Variants in ATP6V1B1 observed in about 807,000 individuals in gnomAD.
The protein encoded by ATP6V1B1 is ATPase H+ transporting V1 subunit B1, also known as V-type proton ATPase subunit B, kidney isoform.
Under a neutral mutation model 62.1 loss-of-function variants are expected in ATP6V1B1, and 41 were observed. The observed-to-expected ratio is 0.66, with a 90% confidence interval of 0.51 to 0.86. ATP6V1B1 has a LOEUF of 0.86. Among genes scored for constraint, ATP6V1B1 ranks in the 40% least tolerant of loss-of-function variants. The pLI, the probability that ATP6V1B1 is intolerant of heterozygous loss-of-function variation, is 0.00. For synonymous variants in ATP6V1B1, 253 were observed against 273.4 expected (o/e 0.93, Z 0.74); for missense variants, 651 against 697.5 (o/e 0.93, Z 0.75).
At chr2:70,940,656 C>T in intron 1 of ATP6V1B1, 1 of 985,428 alleles carries the variant, frequency 1.0e-6, no homozygotes, top group Non-Finnish European at 1.2e-6. Context: ...TGCCCAACAG[C>T]CCCTTAGCCC....
In ATP6V1B1 at chr2:70,959,087, A is replaced by C. The variant is rs782681801; in HGVS notation, c.437A>C (p.Asp146Ala). ...GPVVMAEDFLDINGQPINPHS... is the reference protein window; with the variant it reads ...GPVVMAEDFLAINGQPINPHS... ...GTGGTCATGGCGGAGGACTTTCTGG[A>C]TATCAATGGTGAGTGACTGGAGGTT... is the stretch of plus-strand genomic sequence containing the variant. Residue 146 changes from aspartate to alanine, a missense_variant, in exon 5 of 14, where the codon GAT becomes GCT. Physicochemically the swap from Asp to Ala is moderately radical, Grantham distance 126 (BLOSUM62 -2). Transcript: ENST00000234396. This position sits in a 1 kb window ranked among gnomAD's most constrained non-coding sequence, Gnocchi z 4.2. The C allele has an allele frequency of 4.3e-6, 7 of 1,614,090 alleles. No individual in the cohort carries two copies. The highest frequency in any genetic ancestry group is 5.1e-6 in the Non-Finnish European group (6 of 1,180,006).
At chr2:70,936,351 C>T (rs1314889134) in intron 1 of ATP6V1B1, among the ~76,000 whole-genome samples, 2 of 152,118 alleles carry the variant, frequency 1.3e-5, no homozygotes, top group East Asian at 3.9e-4. Flanking sequence ...CACCCGAAGT[C>T]CAGAGATAGC....
intron 6 of ATP6V1B1, among the ~76,000 whole-genome samples, chr2:70,960,329 G>A (rs552928014): frequency 1.3e-5 from 2 of 152,296 alleles, no homozygotes; most frequent in East Asian, 3.9e-4. Context: ...AGAAAGTCCT[G>A]CTTGGGGGAG....
intron 1 of ATP6V1B1, chr2:70,941,592 G>A: frequency 1.2e-6 from 1 of 802,668 alleles, no homozygotes; most frequent in Non-Finnish European, 1.5e-6. Context: ...TTGTAATTAT[G>A]TTATTTGCTC....
intron 2 of ATP6V1B1, chr2:70,948,512 G>A (rs1553417763): frequency 6.5e-6 from 1 of 154,782 alleles, no homozygotes; most frequent in Non-Finnish European, 1.5e-5. Context: ...GACAAATAAT[G>A]AGGCAGGGCC....
chr2:70,958,875 G>A, intron 4 of ATP6V1B1, 143 bp from the exon 5 acceptor site: 2 of 786,830 alleles, frequency 2.5e-6, no homozygotes, highest in South Asian at 2.9e-5. Flanking sequence ...GGCTCTCTGG[G>A]TTACCTGTGG....
chr2:70,960,875 T>C (rs1553419914), intron 6 of ATP6V1B1, 46 bp from the exon 7 acceptor site: 2 of 1,522,428 alleles, frequency 1.3e-6, no homozygotes, highest in Admixed American at 1.9e-5. Flanking sequence ...GGGACAGGGG[T>C]CAGCTCCGAC....
chr2:70,965,275 C>T lies in ATP6V1B1; in HGVS notation c.*154C>T. On this transcript the variant is annotated 3_prime_UTR_variant, in exon 14 of 14. Coordinates refer to ENST00000234396, the MANE Select transcript of ATP6V1B1 (RefSeq NM_001692.4). ...GGGCGCCGCACGCTCCATCCCTTTC[C>T]CTCGCTCGATTCCTTTTCCCGCGCT... 1 of 1,088,976 alleles carries T rather than the reference C, an allele frequency of 9.2e-7. No individual in the cohort carries two copies. The highest frequency in any genetic ancestry group is 1.3e-6 in the Non-Finnish European group (1 of 767,388). 67.5% of individuals were successfully genotyped at this position (1,088,976 alleles called of 1,614,324 possible).
At chr2:70,950,358 CAAT>C (rs1200671739) in intron 2 of ATP6V1B1, among the ~76,000 whole-genome samples, 1 of 152,048 alleles carries the variant, frequency 6.6e-6, no homozygotes, top group African/African-American at 2.4e-5. Flanking sequence ...TTAAAATAAA[CAAT>C]AATCCATTAG....
intron 2 of ATP6V1B1, among the ~76,000 whole-genome samples, chr2:70,947,835 C>T (rs1680221969): frequency 6.6e-6 from 1 of 152,160 alleles, no homozygotes; most frequent in Non-Finnish European, 1.5e-5. Context: ...CTCTTAGTAA[C>T]CGACATCAAC....
intron 1 of ATP6V1B1, chr2:70,938,603 C>A: frequency 1.0e-6 from 1 of 985,332 alleles, no homozygotes; most frequent in Non-Finnish European, 1.2e-6. Flanking sequence ...AGAGGATTGG[C>A]TAGAAAGGAG....
At position 70,963,520 on chromosome 2, in the gene ATP6V1B1, G is replaced by C; in HGVS notation, c.1061-52G>C. 6.3e-7 allele frequency: 1 copy of C among 1,583,242 alleles called. No homozygotes were observed. Among genetic ancestry groups the C allele is most frequent in the Non-Finnish European group, 8.7e-7 (1 of 1,152,132 alleles). On this transcript the variant is annotated intron_variant, in intron 10 of 13. Coordinates refer to ENST00000234396, the MANE Select transcript of ATP6V1B1 (RefSeq NM_001692.4). The surrounding 1 kb of genome is among the most constrained non-coding windows in gnomAD (Gnocchi z 4.3). The stretch of plus-strand genomic sequence containing the variant: ...AAACAGACCCCAGGTGGCCCTGAGT[G>C]GTTGGAGACCTGGGCCCCCACCCAC...
chr2:70,959,195 G>A lies in ATP6V1B1; in HGVS notation c.445+100G>A, dbSNP rs1438695595. ...GACTCACAAGCAGATCAGATGTGATGGGAGAGCAGCAAAGGCCTCTCTATC... is the reference window on the plus strand; with the variant it reads ...GACTCACAAGCAGATCAGATGTGATAGGAGAGCAGCAAAGGCCTCTCTATC... On this transcript the variant is annotated intron_variant, in intron 5 of 13. Coordinates refer to ENST00000234396, the MANE Select transcript of ATP6V1B1 (RefSeq NM_001692.4). The surrounding 1 kb of genome is among the most constrained non-coding windows in gnomAD (Gnocchi z 4.2). 5.3e-6 allele frequency: 7 copies of A among 1,332,740 alleles called. No individual in the cohort carries two copies. Among genetic ancestry groups the A allele is most frequent in the Middle Eastern group, 1.8e-4 (1 of 5,548 alleles). 82.6% of individuals were successfully genotyped at this position (1,332,740 alleles called of 1,614,324 possible).
At chr2:70,961,136 C>T (rs782159735) in intron 7 of ATP6V1B1, 114 bp downstream of exon 7, 1 of 1,152,710 alleles carries the variant, frequency 8.7e-7, no homozygotes, top group Non-Finnish European at 1.3e-6. Context: ...CCCGGCCAGC[C>T]AGGAGGGGTG....
chr2:70,959,356 A>G lies in ATP6V1B1; in HGVS notation c.445+261A>G, dbSNP rs1348385418. 1.3e-5 allele frequency among the ~76,000 whole-genome samples: 2 copies of G among 152,160 alleles called. No homozygotes were observed. Among genetic ancestry groups the G allele is most frequent in the African/African-American group, 4.8e-5 (2 of 41,416 alleles). On this transcript the variant is annotated intron_variant, in intron 5 of 13. Transcript: ENST00000234396. The surrounding 1 kb of genome is among the most constrained non-coding windows in gnomAD (Gnocchi z 4.2). ...CCCTGCCTTTGGCTTCCTGTCCACA[A>G]TCCTGAGAATGGGCTGCGGTGCTCT... is the stretch of plus-strand genomic sequence containing the variant.
chr2:70,960,867 G>T, intron 6 of ATP6V1B1, 54 bp from the exon 7 acceptor site: 1 of 1,509,598 alleles, frequency 6.6e-7, no homozygotes. Flanking sequence ...TGCTCAGTGG[G>T]ACAGGGGTCA....
Position 70,965,194 on chromosome 2 carries a change from C to T in ATP6V1B1, c.*73C>T. 1.9e-6 allele frequency: 3 copies of T among 1,583,572 alleles called. No homozygotes were observed. Among genetic ancestry groups the T allele is most frequent in the South Asian group, 2.2e-5 (2 of 90,290 alleles). On this transcript the variant is annotated 3_prime_UTR_variant, in exon 14 of 14. Coordinates refer to ENST00000234396, the MANE Select transcript of ATP6V1B1 (RefSeq NM_001692.4). ...CTCCCGGGTCTCCCCTCCCTCGCCA[C>T]CCCAACCAGCGGCTTCTGCGCCGCC...
At chr2:70,943,371 CAGG>C in intron 1 of ATP6V1B1, 2 of 584,090 alleles carry the variant, frequency 3.4e-6, no homozygotes. Context: ...GAAGCAGCCT[CAGG>C]GATGAGAGGC....
intron 1 of ATP6V1B1, chr2:70,940,245 G>A: frequency 2.1e-6 from 1 of 468,032 alleles, no homozygotes; most frequent in Non-Finnish European, 2.8e-6. Context: ...CAGCTGTGAA[G>A]GAAGGGAGGA....
Sources: gnomAD v4.1 joint callset for allele counts (sites outside exome capture counted in the v4.1 genomes callset) on GRCh38, gnomAD v4.1.1 for gene constraint, Gnocchi (gnomAD v3.1) non-coding constraint, MANE v1.5 for transcripts, NCBI Gene and HGNC (gene_info 2026-07-23, HGNC 2026-07-21) for gene names.